The following DYM variants were observed in gnomAD, a reference collection of about 807,000 sequenced individuals.
DYM encodes the protein dymeclin.
Under a neutral mutation model 93.1 loss-of-function variants are expected in DYM, and 78 were observed. The observed-to-expected ratio is 0.84, with a 90% CI of 0.70 to 1.01. The LOEUF (loss-of-function observed/expected upper bound fraction) is 1.01, where lower values mean the gene tolerates loss of function less well. Ranked by LOEUF, DYM falls within the 50% of genes least tolerant of loss-of-function variation. DYM has a pLI of 0.00. For missense variants in DYM, 789 were observed against 845.0 expected, an observed-to-expected ratio of 0.93 and a Z score of 0.82; for synonymous variants, 321 against 319.7, an observed-to-expected ratio of 1.00 and a Z score of -0.04.
At chr18:49,386,869 T>C (rs1254849668) in intron 3 of DYM, among the ~76,000 whole-genome samples, 1 of 152,178 alleles carries the variant, frequency 6.6e-6, no homozygotes, top group African/African-American at 2.4e-5. Context: ...GCACCATTTT[T>C]CCAACAATAC....
At position 49,377,547 on chromosome 18, in the gene DYM, G is replaced by A. The variant is rs183099712; in HGVS notation, c.421+1020C>T. On this transcript the variant is annotated intron_variant, in intron 5 of 17. Transcript: ENST00000675505. ...TGCATTCCAGCCTGGGCAACAGAGC[G>A]AGACTCCATCTCAAAAAAAATAAAA... 3.3e-5 allele frequency among the ~76,000 whole-genome samples: 5 copies of A among 152,012 alleles called. No homozygotes were observed. The East Asian group carries it at 5.8e-4, about 18-fold the overall frequency.
In DYM at chr18:49,425,344, T is replaced by G. The variant is rs531509345; in HGVS notation, c.140+4911A>C. Among the ~76,000 whole-genome samples, 595 of 152,286 alleles carry G rather than the reference T, an allele frequency of 3.9e-3. 3 individuals are homozygous for G. Among genetic ancestry groups the G allele is most frequent in the South Asian group, 8.1e-3 (39 of 4,826 alleles). ...GCTGGGAAAACTGGCTAGCCATATG[T>G]AGAAAGCTGAAACTGGATCCCTTCC... is the stretch of plus-strand genomic sequence containing the variant. On this transcript the variant is annotated intron_variant, in intron 2 of 17. Coordinates refer to ENST00000675505, the MANE Select transcript of DYM (RefSeq NM_001353214.3).
At chr18:49,435,948 A>G (rs1354722289) in intron 1 of DYM, among the ~76,000 whole-genome samples, 1 of 152,224 alleles carries the variant, frequency 6.6e-6, no homozygotes, top group East Asian at 1.9e-4. Flanking sequence ...TTAGGATCTC[A>G]TATTCTAGTT....
intron 14 of DYM, among the ~76,000 whole-genome samples, chr18:49,206,165 A>AT (rs1405651508): frequency 6.6e-6 from 1 of 151,566 alleles, no homozygotes; most frequent in Non-Finnish European, 1.5e-5. Context: ...CTCCTGGCTA[A>AT]TTTTTTGTAT....
chr18:49,321,930 T>A (rs987418152), intron 8 of DYM, among the ~76,000 whole-genome samples: 3 of 152,130 alleles, frequency 2.0e-5, no homozygotes, highest in African/African-American at 7.2e-5. Context: ...GATTGCCACA[T>A]ACTTTTTCTC....
At chr18:49,282,502 A>G (rs11873754) in intron 9 of DYM, among the ~76,000 whole-genome samples, 1 of 152,084 alleles carries the variant, frequency 6.6e-6, no homozygotes, top group Admixed American at 6.6e-5. Context: ...AATCCCAGCT[A>G]CTCAGGAGGC....
intron 6 of DYM, among the ~76,000 whole-genome samples, chr18:49,348,024 T>A (rs550195455): frequency 1.3e-5 from 2 of 152,166 alleles, no homozygotes; most frequent in African/African-American, 2.4e-5. Context: ...ATTAATTTCA[T>A]GTGAAGAAAA....
intron 13 of DYM, among the ~76,000 whole-genome samples, chr18:49,223,135 T>C (rs2093422742): frequency 6.6e-6 from 1 of 152,024 alleles, no homozygotes; most frequent in African/African-American, 2.4e-5. Context: ...GGGAACAAAT[T>C]GAAGGACACA....
intron 13 of DYM, among the ~76,000 whole-genome samples, chr18:49,242,595 C>T (rs1257543466): frequency 4.6e-5 from 7 of 152,168 alleles, no homozygotes; most frequent in Admixed American, 4.6e-4. Context: ...ATTTTCATCA[C>T]CTTGTGGGAG....
intron 15 of DYM, among the ~76,000 whole-genome samples, chr18:49,156,880 T>C (rs767040148): frequency 7.2e-5 from 11 of 152,082 alleles, no homozygotes; most frequent in Non-Finnish European, 1.2e-4. Flanking sequence ...AAATGGGTTT[T>C]GTGGAGCATC....
intron 16 of DYM, among the ~76,000 whole-genome samples, chr18:49,104,020 G>C (rs357878): frequency 6.6e-6 from 1 of 151,824 alleles, no homozygotes; most frequent in East Asian, 1.9e-4. Context: ...CCATTATCAC[G>C]ATATTGATTC....
chr18:49,325,467 A>C (rs1384375158), intron 8 of DYM, among the ~76,000 whole-genome samples: 1 of 152,236 alleles, frequency 6.6e-6, no homozygotes, highest in Non-Finnish European at 1.5e-5. Flanking sequence ...ATCCTGAAGA[A>C]AAGCAAAAAG....
intron 13 of DYM, among the ~76,000 whole-genome samples, chr18:49,238,360 ATTGG>A (rs1568079033): frequency 6.6e-6 from 1 of 152,088 alleles, no homozygotes; most frequent in Non-Finnish European, 1.5e-5. Context: ...CTTTAGGCAA[ATTGG>A]TTACTGCCTC....
intron 8 of DYM, among the ~76,000 whole-genome samples, chr18:49,328,426 T>C (rs1410544853): frequency 1.3e-5 from 2 of 152,110 alleles, no homozygotes; most frequent in Non-Finnish European, 2.9e-5. Context: ...GCAACTGTTC[T>C]ATCCTAGTGA....
chr18:49,308,753 T>C (rs1463805589), intron 8 of DYM, among the ~76,000 whole-genome samples: 1 of 152,136 alleles, frequency 6.6e-6, no homozygotes, highest in Non-Finnish European at 1.5e-5. Context: ...GAACCATTTT[T>C]CTTTTTGCTC....
chr18:49,081,189 G>A (rs1418995769), intron 17 of DYM, among the ~76,000 whole-genome samples: 2 of 149,814 alleles, frequency 1.3e-5, no homozygotes, highest in African/African-American at 4.9e-5. Context: ...CTGAGATCAC[G>A]CCAGTGCACT....
At chr18:49,300,684 G>C (rs900286266) in intron 8 of DYM, among the ~76,000 whole-genome samples, 1 of 151,982 alleles carries the variant, frequency 6.6e-6, no homozygotes, top group African/African-American at 2.4e-5. Context: ...AGTTCTACTT[G>C]TGAAGCAGTA....
intron 17 of DYM, among the ~76,000 whole-genome samples, chr18:49,067,400 T>C (rs2144793024): frequency 7.2e-6 from 1 of 138,974 alleles, no homozygotes; most frequent in Non-Finnish European, 1.5e-5. Context: ...AGGAGTAGGG[T>C]GATGTGAGTG....
At chr18:49,335,091 G>A (rs1228942713) in intron 6 of DYM, among the ~76,000 whole-genome samples, 1 of 151,860 alleles carries the variant, frequency 6.6e-6, no homozygotes, top group South Asian at 2.1e-4. Context: ...TTGGCGATAA[G>A]AGCGAAACTC....
Sources: allele counts gnomAD v4.1 joint callset (sites outside exome capture counted in the v4.1 genomes callset), GRCh38; gene constraint gnomAD v4.1.1; transcripts MANE v1.5; gene names NCBI Gene and HGNC (gene_info 2026-07-23, HGNC 2026-07-21).